The following AOAH variants were observed in gnomAD, a reference collection of about 807,000 sequenced individuals.
AOAH encodes acyloxyacyl hydrolase (neutrophil).
In AOAH, 64 loss-of-function variants were observed where a neutral mutation model predicts 92.2. That is an observed-to-expected ratio of 0.69 (90% confidence interval 0.57 to 0.86). The LOEUF (loss-of-function observed/expected upper bound fraction) is 0.86. Among genes scored for constraint, AOAH ranks in the 40% least tolerant of loss-of-function variants. The probability of loss-of-function intolerance (pLI) is 0.00; values close to 1 mark genes in which losing one functional copy is unlikely to be tolerated. For synonymous variants in AOAH, 263 were observed against 254.5 expected (o/e 1.03, Z -0.32); for missense variants, 656 against 694.6 (o/e 0.94, Z 0.62).
chr7:36,649,301 G>C (rs1659071033), intron 4 of AOAH, among the ~76,000 whole-genome samples: 1 of 152,198 alleles, frequency 6.6e-6, no homozygotes, highest in Non-Finnish European at 1.5e-5. Flanking sequence ...TAGAATGGGA[G>C]AGACTTGAGC....
In AOAH at chr7:36,680,305, T is replaced by C. The variant is rs554449670; in HGVS notation, c.224-6296A>G. Among the ~76,000 whole-genome samples the C allele has an allele frequency of 1.7e-4, 26 of 152,332 alleles. No individual in the cohort carries two copies. The South Asian group carries it at 4.8e-3, about 28-fold the overall frequency. ...GCACGATTAGAAAAAAACTGTCTTATAGGGCACAGGGAAAGGCAACATGAT... is the reference window on the plus strand; with the variant it reads ...GCACGATTAGAAAAAAACTGTCTTACAGGGCACAGGGAAAGGCAACATGAT... On this transcript the variant is annotated intron_variant, in intron 2 of 20. Coordinates refer to ENST00000617537, the MANE Select transcript of AOAH (RefSeq NM_001637.4).
intron 13 of AOAH, among the ~76,000 whole-genome samples, chr7:36,554,540 T>C (rs182793662): frequency 6.9e-4 from 105 of 152,364 alleles, no homozygotes; most frequent in African/African-American, 2.5e-3. Context: ...GGTAGCTTGA[T>C]GGCGATGGCA....
chr7:36,629,638 C>T (rs1792929398), intron 6 of AOAH, among the ~76,000 whole-genome samples: 1 of 152,170 alleles, frequency 6.6e-6, no homozygotes, highest in Admixed American at 6.5e-5. Context: ...CTTGCAGGGG[C>T]TTATGCCAGA....
At chr7:36,596,171 A>G (rs55939804) in intron 11 of AOAH, among the ~76,000 whole-genome samples, 2 of 118,720 alleles carry the variant, frequency 1.7e-5, no homozygotes, top group African/African-American at 2.9e-5. Context: ...AAGCCCCCCC[A>G]CCCCCCGTCA....
At chr7:36,551,516 T>G (rs1426224838) in intron 13 of AOAH, among the ~76,000 whole-genome samples, 1 of 152,164 alleles carries the variant, frequency 6.6e-6, no homozygotes, top group Admixed American at 6.6e-5. Context: ...AGAATAACTT[T>G]CCACTAACTC....
chr7:36,610,052 C>G (rs1791323487), intron 11 of AOAH, among the ~76,000 whole-genome samples: 1 of 151,174 alleles, frequency 6.6e-6, no homozygotes, highest in Non-Finnish European at 1.5e-5. Context: ...TAGGCTGACT[C>G]CTTGCACAAA....
At chr7:36,716,394 C>G (rs1258337171) in intron 1 of AOAH, among the ~76,000 whole-genome samples, 2 of 150,004 alleles carry the variant, frequency 1.3e-5, no homozygotes, top group Non-Finnish European at 2.9e-5. Context: ...ACTAGTTTAA[C>G]CATTGTGGAA....
At chr7:36,544,138 G>C (rs374745113) in intron 15 of AOAH, among the ~76,000 whole-genome samples, 48 of 151,452 alleles carry the variant, frequency 3.2e-4, no homozygotes, top group Non-Finnish European at 6.2e-4. Context: ...GTAGAGACAG[G>C]GTTTTACCAT....
chr7:36,536,746 C>G (rs1045890150), intron 16 of AOAH, among the ~76,000 whole-genome samples: 1 of 151,874 alleles, frequency 6.6e-6, no homozygotes, highest in African/African-American at 2.4e-5. Flanking sequence ...ATCAGGAGAT[C>G]GAGACCAGCC....
At chr7:36,544,320 T>G (rs538893446) in intron 15 of AOAH, among the ~76,000 whole-genome samples, 1 of 152,140 alleles carries the variant, frequency 6.6e-6, no homozygotes, top group African/African-American at 2.4e-5. Context: ...GACTTTGTGT[T>G]AGTATTCTGG....
At chr7:36,607,500 C>T (rs1791095367) in intron 11 of AOAH, among the ~76,000 whole-genome samples, 1 of 152,196 alleles carries the variant, frequency 6.6e-6, no homozygotes. Flanking sequence ...AATGAGACAA[C>T]TCCTTCCTTT....
At chr7:36,709,631 T>C (rs570323932) in intron 1 of AOAH, among the ~76,000 whole-genome samples, 1 of 152,322 alleles carries the variant, frequency 6.6e-6, no homozygotes, top group Admixed American at 6.5e-5. Flanking sequence ...AAGGGCAAGT[T>C]AGCCTTCTCT....
At chr7:36,533,926 G>C (rs550092187) in intron 16 of AOAH, among the ~76,000 whole-genome samples, 1 of 152,100 alleles carries the variant, frequency 6.6e-6, no homozygotes, top group African/African-American at 2.4e-5. Flanking sequence ...CCATCTTGTC[G>C]CTATGTTGGA....
chr7:36,525,236 G>A (rs1442001017), intron 19 of AOAH, among the ~76,000 whole-genome samples: 1 of 152,192 alleles, frequency 6.6e-6, no homozygotes, highest in African/African-American at 2.4e-5. Flanking sequence ...CTAATAAAAA[G>A]TCTAGAAAAG....
intron 7 of AOAH, 29 bp from the exon 8 acceptor site, chr7:36,621,809 G>T: frequency 6.2e-7 from 1 of 1,606,858 alleles, no homozygotes. Flanking sequence ...CACAGGAGGG[G>T]TTCAGCCTGC....
intron 16 of AOAH, among the ~76,000 whole-genome samples, chr7:36,533,664 C>T (rs1784829430): frequency 1.4e-5 from 2 of 144,508 alleles, no homozygotes; most frequent in South Asian, 2.3e-4. Flanking sequence ...GATTTGTTCC[C>T]TCTATTTTGT....
chr7:36,600,414 G>T (rs1583911700), intron 11 of AOAH, among the ~76,000 whole-genome samples: 1 of 152,192 alleles, frequency 6.6e-6, no homozygotes. Context: ...CAGGCCCCTG[G>T]AGGACTTCTG....
chr7:36,620,836 A>C lies in AOAH; in HGVS notation c.654-7T>G. ...GACATCCCAGTTGTTCGGCCTAAGA[A>C]AAAAACATTAACATTGGTCTTTGAC... On this transcript the variant is annotated splice_polypyrimidine_tract_variant and splice_region_variant and intron_variant, in intron 8 of 20. Coordinates refer to ENST00000617537, the MANE Select transcript of AOAH (RefSeq NM_001637.4). 1.9e-6 allele frequency: 3 copies of C among 1,613,820 alleles called. No homozygotes were observed. Among genetic ancestry groups the C allele is most frequent in the Non-Finnish European group, 2.5e-6 (3 of 1,179,796 alleles).
At chr7:36,590,272 C>T (rs1012944352) in intron 12 of AOAH, among the ~76,000 whole-genome samples, 10 of 152,078 alleles carry the variant, frequency 6.6e-5, no homozygotes, top group South Asian at 2.1e-4. Context: ...TACAGTTATA[C>T]TGCTCTATTG....
Sources: gnomAD v4.1 joint callset for allele counts (sites outside exome capture counted in the v4.1 genomes callset) on GRCh38, gnomAD v4.1.1 for gene constraint, MANE v1.5 for transcripts, NCBI Gene and HGNC (gene_info 2026-07-23, HGNC 2026-07-21) for gene names.